NOP53: variants seen among roughly 807,000 people sequenced by gnomAD.
NOP53 encodes the protein NOP53 ribosome biogenesis factor.
Under a neutral mutation model 61.0 loss-of-function variants are expected in NOP53, and 40 were observed. That is an observed-to-expected ratio of 0.66 (90% CI 0.51 to 0.85). NOP53 has a LOEUF of 0.85. NOP53 is among the 40% of genes least tolerant of loss of function. The pLI is 0.00. For synonymous variants in NOP53, 308 were observed against 289.5 expected (o/e 1.06, Z -0.65); for missense variants, 689 against 652.9 (o/e 1.06, Z -0.60).
chr19:47,753,530 C>T (rs1299837074), intron 6 of NOP53: 2 of 11,476 alleles, frequency 1.7e-4, no homozygotes, highest in Non-Finnish European at 3.5e-4. Flanking sequence ...GATGCAGGAC[C>T]GCTTGTCCGA....
At chr19:47,746,850 C>G in intron 1 of NOP53, 117 bp from the exon 2 acceptor site, 2 of 813,348 alleles carry the variant, frequency 2.5e-6, no homozygotes, top group South Asian at 3.1e-5. Flanking sequence ...GAAGCCTTAG[C>G]CTGGAAGAGT....
At chr19:47,752,180 G>T (rs1435592967) in intron 5 of NOP53, among the ~76,000 whole-genome samples, 1 of 152,128 alleles carries the variant, frequency 6.6e-6, no homozygotes, top group African/African-American at 2.4e-5. Flanking sequence ...ATGTAAAGAG[G>T]TAGCACATGA....
chr19:47,747,777 CTCTTTT>C (rs1342224403), intron 2 of NOP53, among the ~76,000 whole-genome samples: 2 of 120,518 alleles, frequency 1.7e-5, no homozygotes, highest in Admixed American at 9.8e-5. Context: ...TTTTCTCTCT[CTCTTTT>C]TTTTTTTTTT....
chr19:47,749,985 G>C (rs1967104958), intron 2 of NOP53, among the ~76,000 whole-genome samples, 193 bp from the exon 3 acceptor site: 1 of 152,126 alleles, frequency 6.6e-6, no homozygotes, highest in Non-Finnish European at 1.5e-5. Flanking sequence ...CTTGGTTGTG[G>C]AGGGTCAGAG....
intron 1 of NOP53, chr19:47,746,487 C>T: frequency 6.5e-6 from 1 of 153,650 alleles, no homozygotes; most frequent in Non-Finnish European, 1.5e-5. Context: ...CTTCAGCCTC[C>T]CAAGTAGCTG....
In NOP53 at chr19:47,756,806, G is replaced by A. The variant is rs1967207128; in HGVS notation, c.1430+62G>A. ...CTTCTCCCACCCCGTGGTGCCCACCGAGTCCCAGGGCCCCTTCCAGAGTGT... is the reference window on the plus strand; with the variant it reads ...CTTCTCCCACCCCGTGGTGCCCACCAAGTCCCAGGGCCCCTTCCAGAGTGT... On this transcript the variant is annotated intron_variant, in intron 12 of 12. Transcript: ENST00000246802. The A allele has an allele frequency of 1.3e-5, 20 of 1,567,448 alleles. No individual in the cohort carries two copies. The South Asian group carries it at 1.9e-4, about 15-fold the overall frequency.
Position 47,754,434 on chromosome 19 carries a change from G to T in NOP53, c.766-93G>T. 1 of 987,636 alleles carries T rather than the reference G, an allele frequency of 1.0e-6. No homozygotes were observed. Among genetic ancestry groups the T allele is most frequent in the Non-Finnish European group, 1.5e-6 (1 of 647,054 alleles). The allele number at this position is 987,636 out of a possible 1,614,324, so 61.2% of individuals were successfully genotyped here. A position where few individuals can be genotyped will look rare whatever the true frequency, so the allele number is the denominator to read the frequency against. ...AAGCCTGGGCCGGGGCGGGATCCAC[G>T]GGCACTGGATGAGGGACAGATGGGA... On this transcript the variant is annotated intron_variant, in intron 6 of 12. Coordinates refer to ENST00000246802, the MANE Select transcript of NOP53 (RefSeq NM_015710.5). The surrounding 1 kb of genome is among the most constrained non-coding windows in gnomAD (Gnocchi z 4.2).
chr19:47,757,055 C>G lies in NOP53; in HGVS notation c.*50C>G. The stretch of plus-strand genomic sequence containing the variant: ...CCCTTCAATAAAAAATCTCTTCTAG[C>G]TGATCAGTGGGCTCCACGTGTGGCT... On this transcript the variant is annotated 3_prime_UTR_variant, in exon 13 of 13. Coordinates refer to ENST00000246802, the MANE Select transcript of NOP53 (RefSeq NM_015710.5). The G allele has an allele frequency of 6.2e-7, 1 of 1,604,058 alleles. No homozygotes were observed. The highest frequency in any genetic ancestry group is 8.5e-7 in the Non-Finnish European group (1 of 1,170,840).
chr19:47,747,516 C>T (rs1967078984), intron 2 of NOP53, among the ~76,000 whole-genome samples: 1 of 152,056 alleles, frequency 6.6e-6, no homozygotes, highest in Admixed American at 6.5e-5. Flanking sequence ...GTGGCGGGCA[C>T]CTGTAATCCC....
At position 47,754,899 on chromosome 19, in the gene NOP53, C is replaced by T. The variant is rs116531294; in HGVS notation, c.1053+8C>T. ...AAGGCTGTGCACAGGCTGGTGAGCG[C>T]CTGGGCCAGCGGGGCCTGCCTCTGA... On this transcript the variant is annotated splice_region_variant and intron_variant, in intron 8 of 12. Coordinates refer to ENST00000246802, the MANE Select transcript of NOP53 (RefSeq NM_015710.5). The surrounding 1 kb of genome is among the most constrained non-coding windows in gnomAD (Gnocchi z 4.2). The T allele has an allele frequency of 1.4e-3, 2,044 of 1,496,858 alleles. 25 individuals are homozygous for T. The African/African-American group carries it at 0.026, about 19-fold the overall frequency. 92.7% of individuals were successfully genotyped at this position (1,496,858 alleles called of 1,614,324 possible).
chr19:47,746,886 A>G (rs1967071269), intron 1 of NOP53, 81 bp from the exon 2 acceptor site: 4 of 1,147,820 alleles, frequency 3.5e-6, no homozygotes, highest in Admixed American at 1.8e-5. Flanking sequence ...GACTAAGCGG[A>G]AGATGAAGGC....
intron 6 of NOP53, chr19:47,752,828 G>A (rs544061840): frequency 4.3e-5 from 23 of 531,908 alleles, no homozygotes; most frequent in South Asian, 4.2e-4. Flanking sequence ...AGCCTGGGGG[G>A]TCAGGAAGGG....
Position 47,745,727 on chromosome 19 carries a change from G to A in NOP53, c.168G>A (p.Leu56=), listed in dbSNP as rs1445351929. 6.2e-7 allele frequency: 1 copy of A among 1,608,832 alleles called. No individual in the cohort carries two copies. The highest frequency in any genetic ancestry group is 1.7e-5 in the Admixed American group (1 of 59,376). ...GGCGGCGGCTTGCTCAGGAGCCGCT[G>A]GGGCTGGAGGTTGACCAGTTCCTGG... is the stretch of plus-strand genomic sequence containing the variant. ...RGWRRLAQEP[L]GLEVDQFLED... The change falls in exon 1 of 13, where the codon CTG becomes CTA. Residue 56 remains leucine, a synonymous_variant. Transcript: ENST00000246802.
At chr19:47,747,233 G>A (rs1967075780) in intron 2 of NOP53, among the ~76,000 whole-genome samples, 1 of 152,148 alleles carries the variant, frequency 6.6e-6, no homozygotes, top group Non-Finnish European at 1.5e-5. Flanking sequence ...TTTCTTTTGA[G>A]ATGTCAGTGA....
intron 5 of NOP53, 50 bp downstream of exon 5, chr19:47,751,640 C>A: frequency 7.2e-7 from 1 of 1,383,218 alleles, no homozygotes; most frequent in Non-Finnish European, 1.0e-6. Context: ...TGAGGAGGGC[C>A]GGGAGCTGCT....
chr19:47,751,302 T>G (rs1052459902), intron 4 of NOP53, 195 bp downstream of exon 4: 2 of 654,108 alleles, frequency 3.1e-6, no homozygotes, highest in Non-Finnish European at 5.3e-6. Context: ...TTGTGAGGCT[T>G]CAGGAAAGGA....
chr19:47,750,848 CCTGCTGCCGTTCAGG>C, intron 3 of NOP53, 45 bp from the exon 4 acceptor site: 1 of 1,422,248 alleles, frequency 7.0e-7, no homozygotes, highest in Non-Finnish European at 9.7e-7. Flanking sequence ...GGGAGGAGGC[CCTGCTGCCGTTCAGG>C]CTGCCACCTC....
chr19:47,746,150 GTA>G (rs371618290), intron 1 of NOP53: 2,787 of 211,962 alleles, frequency 0.013, 37 homozygotes, highest in South Asian at 0.027. Context: ...GTATATGTGT[GTA>G]TATATATATG....
rs763134152 is a variant in NOP53 at position 47,755,791 on chromosome 19, C to T, written c.1265C>T (p.Ser422Leu). The stretch of plus-strand genomic sequence containing the variant: ...CCTGACATCGACGTGCAGCTGAGCT[C>T]GGAGCTGACAGACTCGCTCAGGACC... ...QAPDIDVQLS[S>L]ELTDSLRTLK... The change falls in exon 10 of 13, where the codon TCG becomes TTG. Residue 422 changes from serine to leucine, a missense_variant. Physicochemically the swap from Ser to Leu is moderately radical, Grantham distance 145 (BLOSUM62 -2). Coordinates refer to ENST00000246802, the MANE Select transcript of NOP53 (RefSeq NM_015710.5). The T allele has an allele frequency of 5.3e-5, 85 of 1,610,702 alleles. No homozygotes were observed. Among genetic ancestry groups the T allele is most frequent in the East Asian group, 3.1e-4 (14 of 44,782 alleles).
Sources: gnomAD v4.1 joint callset for allele counts (sites outside exome capture counted in the v4.1 genomes callset) on GRCh38, gnomAD v4.1.1 for gene constraint, Gnocchi (gnomAD v3.1) non-coding constraint, MANE v1.5 for transcripts, NCBI Gene and HGNC (gene_info 2026-07-23, HGNC 2026-07-21) for gene names.